DIP2C: variants seen among roughly 807,000 people sequenced by gnomAD.
The protein encoded by DIP2C is disco-interacting protein 2 homolog C.
DIP2C carries 33 observed loss-of-function variants against 192.4 expected under a neutral mutation model. The ratio of observed to expected loss-of-function variants is 0.17; its 90% CI spans 0.13 to 0.23. The LOEUF is 0.23. Ranked by LOEUF, DIP2C falls within the 10% of genes least tolerant of loss-of-function variation. DIP2C has a pLI of 1.00. For synonymous variants in DIP2C, 979 were observed against 864.1 expected (o/e 1.13, Z -2.33); for missense variants, 1,537 against 2,110.1 (o/e 0.73, Z 5.32).
intron 1 of DIP2C, among the ~76,000 whole-genome samples, chr10:590,549 G>A (rs1273545259): frequency 6.6e-6 from 1 of 152,214 alleles, no homozygotes; most frequent in Non-Finnish European, 1.5e-5. Flanking sequence ...GCAGGTGCCA[G>A]CTTTGACTCA....
chr10:417,219 C>T (rs188802903), intron 6 of DIP2C, among the ~76,000 whole-genome samples: 29 of 152,146 alleles, frequency 1.9e-4, no homozygotes, highest in East Asian at 7.7e-4. Flanking sequence ...CAGGGACCCC[C>T]GAACTTCTAG....
intron 18 of DIP2C, 109 bp from the exon 19 acceptor site, chr10:366,520 C>A: frequency 6.7e-7 from 1 of 1,493,408 alleles, no homozygotes; most frequent in Admixed American, 1.9e-5. Context: ...GGAATGGGGT[C>A]TGGAGCAAAA....
intron 1 of DIP2C, among the ~76,000 whole-genome samples, chr10:523,435 G>T (rs1483829607): frequency 2.2e-4 from 29 of 129,818 alleles, no homozygotes; most frequent in African/African-American, 8.9e-4. Context: ...CAGGGGCTCT[G>T]TGTCACCCAC....
At chr10:432,213 G>A (rs1045284425) in intron 4 of DIP2C, among the ~76,000 whole-genome samples, 1 of 152,134 alleles carries the variant, frequency 6.6e-6, no homozygotes, top group African/African-American at 2.4e-5. Context: ...TGCTTAGAAT[G>A]AGTTAAGAAG....
In DIP2C at chr10:587,237, G is replaced by A. The variant is rs369216926; in HGVS notation, c.86-100707C>T. ...CCCGGGTCCCTGCTGACAGCGTGGC[G>A]AGGGGCAAACAGTGCAGGGTCTAAG... On this transcript the variant is annotated intron_variant, in intron 1 of 36. Coordinates refer to ENST00000280886, the MANE Select transcript of DIP2C (RefSeq NM_014974.3). Among the ~76,000 whole-genome samples the A allele has an allele frequency of 6.7e-4, 102 of 152,276 alleles. 1 individual carries two copies. The highest frequency in any genetic ancestry group is 2.4e-3 in the African/African-American group (98 of 41,546).
intron 22 of DIP2C, 54 bp from the exon 23 acceptor site, chr10:357,991 A>G (rs1959167262): frequency 3.6e-6 from 5 of 1,379,768 alleles, no homozygotes; most frequent in Non-Finnish European, 5.1e-6. Context: ...ATTCCTTCAG[A>G]CTAGACCTCC....
At chr10:570,820 T>A (rs117477656) in intron 1 of DIP2C, among the ~76,000 whole-genome samples, 2 of 152,236 alleles carry the variant, frequency 1.3e-5, no homozygotes, top group East Asian at 3.9e-4. Flanking sequence ...ACATTTCCAT[T>A]TGAAGAAACG....
chr10:573,500 C>T (rs1381304193), intron 1 of DIP2C, among the ~76,000 whole-genome samples: 3 of 152,178 alleles, frequency 2.0e-5, no homozygotes, highest in Non-Finnish European at 4.4e-5. Context: ...GCTCCGCCTC[C>T]CAGGCTCAAG....
chr10:430,769 C>T (rs1353947925), intron 4 of DIP2C, among the ~76,000 whole-genome samples: 8 of 152,194 alleles, frequency 5.3e-5, no homozygotes, highest in Admixed American at 6.5e-5. Context: ...TAGATTTTTA[C>T]CTTATCTTCT....
chr10:455,032 C>T (rs1344465632), intron 3 of DIP2C, among the ~76,000 whole-genome samples: 1 of 152,192 alleles, frequency 6.6e-6, no homozygotes, highest in African/African-American at 2.4e-5. Context: ...TGAGCACACA[C>T]ACAGCCTGGG....
chr10:508,733 C>T (rs535713114), intron 1 of DIP2C, among the ~76,000 whole-genome samples: 8 of 152,250 alleles, frequency 5.3e-5, no homozygotes, highest in African/African-American at 1.7e-4. Flanking sequence ...CCACCCTAAC[C>T]GCAGCGTCCA....
intron 18 of DIP2C, among the ~76,000 whole-genome samples, chr10:366,734 C>T (rs994976959): frequency 6.6e-6 from 1 of 152,194 alleles, no homozygotes; most frequent in African/African-American, 2.4e-5. Flanking sequence ...ATCAGGACCA[C>T]CTGCCACACC....
intron 9 of DIP2C, 69 bp downstream of exon 9, chr10:408,857 T>A: frequency 6.6e-7 from 1 of 1,514,390 alleles, no homozygotes; most frequent in South Asian, 1.2e-5. Context: ...CTGTAATGTT[T>A]AAACAGTGGG....
At chr10:578,688 A>G (rs149633631) in intron 1 of DIP2C, among the ~76,000 whole-genome samples, 2 of 152,330 alleles carry the variant, frequency 1.3e-5, no homozygotes, top group South Asian at 2.1e-4. Context: ...GCCATAGAGC[A>G]CACACACATC....
intron 32 of DIP2C, among the ~76,000 whole-genome samples, chr10:300,855 G>A (rs537935353): frequency 1.3e-5 from 2 of 152,168 alleles, no homozygotes; most frequent in Non-Finnish European, 2.9e-5. Context: ...GGCCCTGAGC[G>A]TGTGGAGAAA....
At chr10:410,763 CTAGT>C (rs1965130940) in intron 8 of DIP2C, among the ~76,000 whole-genome samples, 1 of 152,142 alleles carries the variant, frequency 6.6e-6, no homozygotes, top group Non-Finnish European at 1.5e-5. Context: ...CATACACAAG[CTAGT>C]TAACAATAGA....
chr10:423,074 A>ATC, intron 4 of DIP2C, 41 bp from the exon 5 acceptor site: 1 of 1,534,232 alleles, frequency 6.5e-7, no homozygotes, highest in Non-Finnish European at 8.8e-7. Flanking sequence ...GTTGCAGCAA[A>ATC]AACGTGCACC....
At chr10:306,693 G>A (rs950840229) in intron 32 of DIP2C, among the ~76,000 whole-genome samples, 12 of 152,192 alleles carry the variant, frequency 7.9e-5, no homozygotes, top group Non-Finnish European at 1.2e-4. Context: ...TTGGACTGTC[G>A]ACTTTCTCAC....
At chr10:631,862 T>A (rs1392088652) in intron 1 of DIP2C, among the ~76,000 whole-genome samples, 1 of 152,244 alleles carries the variant, frequency 6.6e-6, no homozygotes, top group Non-Finnish European at 1.5e-5. Context: ...AATATTTTAA[T>A]AAAATCAAAA....
Sources: allele counts gnomAD v4.1 joint callset (sites outside exome capture counted in the v4.1 genomes callset), GRCh38; gene constraint gnomAD v4.1.1; transcripts MANE v1.5; gene names NCBI Gene and HGNC (gene_info 2026-07-23, HGNC 2026-07-21).